EYA4: variants seen among roughly 807,000 people sequenced by gnomAD.
EYA4 encodes protein phosphatase EYA4.
In EYA4, 31 loss-of-function variants were observed where a neutral mutation model predicts 87.9. The observed-to-expected ratio is 0.35, with a 90% CI of 0.27 to 0.48. The LOEUF (loss-of-function observed/expected upper bound fraction) is 0.48. EYA4 is among the 20% of genes least tolerant of loss of function. EYA4 has a pLI of 0.99. For synonymous variants in EYA4, 263 were observed against 270.6 expected, an observed-to-expected ratio of 0.97 and a Z score of 0.28; for missense variants, 678 against 761.4, an observed-to-expected ratio of 0.89 and a Z score of 1.29.
In EYA4 at chr6:133,462,628, T is replaced by A; in HGVS notation, c.588T>A (p.Gly196=). Residue 196 remains glycine (G), a synonymous_variant, in exon 9 of 20, where the codon GGT becomes GGA. Coordinates refer to ENST00000355286, the MANE Select transcript of EYA4 (RefSeq NM_004100.5). Reference sequence around the variant, plus strand: ...ATTCAATTTTCTGAACAGATTTGGGTGTGATGTTGCCAGCCATCAAGACAG... The same window carrying A: ...ATTCAATTTTCTGAACAGATTTGGGAGTGATGTTGCCAGCCATCAAGACAG... ...QPYSLPTYDL[G]VMLPAIKTES... 6.2e-7 allele frequency: 1 copy of A among 1,613,994 alleles called. No individual in the cohort carries two copies. The highest frequency in any genetic ancestry group is 8.5e-7 in the Non-Finnish European group (1 of 1,179,932).
chr6:133,347,630 A>T (rs542338600), intron 2 of EYA4, among the ~76,000 whole-genome samples: 1 of 152,296 alleles, frequency 6.6e-6, no homozygotes, highest in East Asian at 1.9e-4. Context: ...TCTATGCCAA[A>T]CACTGTTGCC....
At chr6:133,513,881 A>G (rs1799371640) in intron 16 of EYA4, among the ~76,000 whole-genome samples, 1 of 152,170 alleles carries the variant, frequency 6.6e-6, no homozygotes, top group Admixed American at 6.5e-5. Flanking sequence ...TATACTAAAT[A>G]TACATGTGCA....
chr6:133,367,760 C>G (rs1258893031), intron 2 of EYA4, among the ~76,000 whole-genome samples: 1 of 152,130 alleles, frequency 6.6e-6, no homozygotes, highest in East Asian at 1.9e-4. Context: ...TTGATTTTGG[C>G]TATCTTATTA....
intron 2 of EYA4, among the ~76,000 whole-genome samples, chr6:133,347,884 G>C (rs930939035): frequency 1.3e-5 from 2 of 152,108 alleles, no homozygotes; most frequent in African/African-American, 4.8e-5. Flanking sequence ...TTATGAACCG[G>C]TCATTCATAA....
At chr6:133,490,979 A>T (rs1283248787) in intron 13 of EYA4, among the ~76,000 whole-genome samples, 1 of 152,234 alleles carries the variant, frequency 6.6e-6, no homozygotes, top group Non-Finnish European at 1.5e-5. Flanking sequence ...GTCTTTAAAA[A>T]TTAAAAAAAA....
chr6:133,291,181 T>A (rs1415259319), intron 2 of EYA4, among the ~76,000 whole-genome samples: 1 of 152,202 alleles, frequency 6.6e-6, no homozygotes, highest in Non-Finnish European at 1.5e-5. Flanking sequence ...GGGCCTTTTA[T>A]GTAACAGAGT....
At chr6:133,462,582 T>C in intron 8 of EYA4, 39 bp from the exon 9 acceptor site, 1 of 1,613,380 alleles carries the variant, frequency 6.2e-7, no homozygotes, top group Non-Finnish European at 8.5e-7. Context: ...AAAATCATCT[T>C]ACTAATTAAA....
At chr6:133,480,824 C>T (rs1163097276) in intron 11 of EYA4, among the ~76,000 whole-genome samples, 1 of 151,332 alleles carries the variant, frequency 6.6e-6, no homozygotes, top group Non-Finnish European at 1.5e-5. Flanking sequence ...CACTAGTATG[C>T]ACTATTCTAA....
intron 10 of EYA4, among the ~76,000 whole-genome samples, chr6:133,465,746 T>C (rs930119786): frequency 6.6e-6 from 1 of 152,184 alleles, no homozygotes; most frequent in Non-Finnish European, 1.5e-5. Context: ...TGTAAGTTAC[T>C]GTACAAGTGC....
chr6:133,356,273 G>A (rs1053739848), intron 2 of EYA4, among the ~76,000 whole-genome samples: 2 of 152,080 alleles, frequency 1.3e-5, no homozygotes, highest in African/African-American at 2.4e-5. Flanking sequence ...AGCCCATAAC[G>A]AACATCATCA....
At chr6:133,369,934 A>T (rs1785141746) in intron 2 of EYA4, among the ~76,000 whole-genome samples, 1 of 151,964 alleles carries the variant, frequency 6.6e-6, no homozygotes, top group African/African-American at 2.4e-5. Context: ...GGAGCTGCTG[A>T]TGAGGGTGAC....
intron 12 of EYA4, among the ~76,000 whole-genome samples, chr6:133,482,476 T>C (rs560193848): frequency 2.6e-5 from 4 of 152,316 alleles, no homozygotes; most frequent in East Asian, 3.9e-4. Flanking sequence ...GTTGCTGTGC[T>C]ACAGTCAAAA....
In EYA4 at chr6:133,531,753, GT is replaced by G. The variant is rs1801021833; in HGVS notation, c.*2952del. 6.6e-6 allele frequency: 1 copy of G among 152,548 alleles called. No homozygotes were observed. Among genetic ancestry groups the G allele is most frequent in the Admixed American group, 6.5e-5 (1 of 15,336 alleles). 9.4% of individuals were successfully genotyped at this position (152,548 alleles called of 1,614,324 possible). The stretch of plus-strand genomic sequence containing the variant: ...GTAGGTAATAACTGTCTCTAAAAAT[GT>G]TTTCTCCTTAGTCCGCAATGAGCTA... On this transcript the variant is annotated 3_prime_UTR_variant, in exon 20 of 20. Transcript: ENST00000355286.
At chr6:133,385,424 TGTGTGTGTGTGTGTGTGA>T (rs369070029) in intron 3 of EYA4, among the ~76,000 whole-genome samples, 6 of 147,342 alleles carry the variant, frequency 4.1e-5, no homozygotes, top group Admixed American at 1.4e-4. Flanking sequence ...TGTGTGTGTG[TGTGTGTGTGTGTGTGTGA>T]GAGAGAGAGA....
At chr6:133,438,051 T>TAAAA (rs1791875157) in intron 3 of EYA4, among the ~76,000 whole-genome samples, 2 of 152,234 alleles carry the variant, frequency 1.3e-5, no homozygotes, top group South Asian at 4.1e-4. Flanking sequence ...CTGTATAAAT[T>TAAAA]GGAATTAAAA....
At chr6:133,389,674 C>A (rs1787084123) in intron 3 of EYA4, among the ~76,000 whole-genome samples, 1 of 152,138 alleles carries the variant, frequency 6.6e-6, no homozygotes, top group African/African-American at 2.4e-5. Context: ...ACTTCTTTCC[C>A]CAGGGTCTTT....
intron 3 of EYA4, among the ~76,000 whole-genome samples, chr6:133,430,379 A>C (rs907274175): frequency 6.6e-6 from 1 of 152,366 alleles, no homozygotes; most frequent in Admixed American, 6.5e-5. Flanking sequence ...GTTTGGTCTT[A>C]GGCTAAAATC....
chr6:133,364,151 C>A (rs1490444361), intron 2 of EYA4, among the ~76,000 whole-genome samples: 1 of 152,186 alleles, frequency 6.6e-6, no homozygotes, highest in Non-Finnish European at 1.5e-5. Context: ...CCAATACTCC[C>A]CTTAATGAAT....
chr6:133,280,811 T>G (rs1477906441), intron 2 of EYA4, among the ~76,000 whole-genome samples: 1 of 152,190 alleles, frequency 6.6e-6, no homozygotes, highest in Non-Finnish European at 1.5e-5. Context: ...ACAGTCAATT[T>G]TAGAGGATTT....
Sources: allele counts gnomAD v4.1 joint callset (sites outside exome capture counted in the v4.1 genomes callset), GRCh38; gene constraint gnomAD v4.1.1; transcripts MANE v1.5; gene names NCBI Gene and HGNC (gene_info 2026-07-23, HGNC 2026-07-21).